Variants in CALN1 observed in about 807,000 individuals in gnomAD.
The protein encoded by CALN1 is calneuron 1.
A neutral mutation model predicts 30.6 loss-of-function variants in CALN1; 17 were observed. The observed-to-expected ratio is 0.56, with a 90% CI of 0.38 to 0.83. CALN1 has a LOEUF of 0.83. Ranked by LOEUF, CALN1 falls within the 40% of genes least tolerant of loss-of-function variation. CALN1 has a pLI of 0.00. For synonymous variants in CALN1, 156 were observed against 131.4 expected (o/e 1.19, Z -1.28); for missense variants, 291 against 354.9 (o/e 0.82, Z 1.45).
chr7:71,939,165 G>T (rs1795993784), intron 5 of CALN1, among the ~76,000 whole-genome samples: 1 of 152,112 alleles, frequency 6.6e-6, no homozygotes, highest in South Asian at 2.1e-4. Context: ...TCAGGAATTA[G>T]GAATACTAGG....
intron 5 of CALN1, among the ~76,000 whole-genome samples, chr7:71,889,860 G>A (rs533464165): frequency 3.3e-5 from 5 of 152,120 alleles, no homozygotes; most frequent in Admixed American, 6.5e-5. Context: ...TCCTACTCTG[G>A]AGGCTGAGGC....
intron 3 of CALN1, among the ~76,000 whole-genome samples, chr7:72,138,795 C>T (rs887923733): frequency 6.6e-6 from 1 of 152,174 alleles, no homozygotes; most frequent in African/African-American, 2.4e-5. Flanking sequence ...CAATCCCCGC[C>T]CTTACCCTTT....
chr7:72,336,830 C>T (rs889858769), intron 2 of CALN1: 3 of 985,012 alleles, frequency 3.0e-6, no homozygotes, highest in Admixed American at 6.2e-5. Context: ...AGCGCTCAGC[C>T]TCTCGCTCAC....
intron 4 of CALN1, among the ~76,000 whole-genome samples, chr7:72,094,379 C>T (rs1021964226): frequency 6.6e-6 from 1 of 152,212 alleles, no homozygotes; most frequent in South Asian, 2.1e-4. Context: ...CGCCACCTCC[C>T]GAGTAGCTGG....
At chr7:72,349,068 A>C (rs1435497809) in intron 2 of CALN1, among the ~76,000 whole-genome samples, 1 of 152,214 alleles carries the variant, frequency 6.6e-6, no homozygotes, top group African/African-American at 2.4e-5. Flanking sequence ...TGTATACTTA[A>C]TGTGAAAAAG....
chr7:72,474,105 T>C, the CALN1 span, among the ~76,000 whole-genome samples: 15 of 152,146 alleles, frequency 9.9e-5, no homozygotes, highest in Admixed American at 9.8e-4. Context: ...AAATATCACT[T>C]CTACCAGCAG....
At chr7:72,347,901 G>A (rs139148083) in intron 2 of CALN1, among the ~76,000 whole-genome samples, 1 of 152,058 alleles carries the variant, frequency 6.6e-6, no homozygotes, top group African/African-American at 2.4e-5. Context: ...GGCTGAGGAG[G>A]GTGGATCACT....
In CALN1 at chr7:72,095,134, T is replaced by C. The variant is rs529939789; in HGVS notation, c.388+11017A>G. On this transcript the variant is annotated intron_variant, in intron 4 of 6. Transcript: ENST00000395275. ...CTTAGAGTCATATGGCTCTTACTAG[T>C]GGCATGACCTGTGCAAGTTTCTAGA... Among the ~76,000 whole-genome samples the C allele has an allele frequency of 6.6e-5, 10 of 152,296 alleles. No individual in the cohort carries two copies. In the East Asian group the frequency reaches 1.9e-3, roughly 29 times the overall value.
intron 5 of CALN1, among the ~76,000 whole-genome samples, chr7:71,979,283 T>G (rs1280278048): frequency 1.3e-5 from 2 of 152,194 alleles, no homozygotes; most frequent in African/African-American, 4.8e-5. Context: ...ACTTTACTTC[T>G]ATTATTATTA....
At chr7:72,460,580 C>T in the CALN1 span, among the ~76,000 whole-genome samples, 1 of 151,914 alleles carries the variant, frequency 6.6e-6, no homozygotes, top group Non-Finnish European at 1.5e-5. Context: ...TGCAGTGAGC[C>T]AAGATCACAT....
At chr7:71,839,953 C>T (rs375656062) in intron 5 of CALN1, among the ~76,000 whole-genome samples, 7 of 152,146 alleles carry the variant, frequency 4.6e-5, no homozygotes, top group Admixed American at 1.3e-4. Context: ...TGCAGTGCCA[C>T]GGCTGTCTTT....
intron 2 of CALN1, among the ~76,000 whole-genome samples, chr7:72,383,717 T>C (rs572011494): frequency 2.0e-5 from 3 of 152,326 alleles, no homozygotes; most frequent in East Asian, 3.9e-4. Context: ...AGAAACGTCC[T>C]GTCTGAAAAT....
intron 1 of CALN1, among the ~76,000 whole-genome samples, chr7:72,420,647 G>A (rs1285604483): frequency 4.3e-5 from 6 of 141,096 alleles, no homozygotes; most frequent in East Asian, 2.1e-4. Context: ...TTTTTGAGAC[G>A]GAGCCTCGCT....
chr7:72,210,896 T>TA (rs372031170), intron 3 of CALN1, among the ~76,000 whole-genome samples: 18 of 148,416 alleles, frequency 1.2e-4, no homozygotes, highest in East Asian at 8.0e-4. Context: ...AGAAAAAAAT[T>TA]AAAAAAAAAA....
intron 3 of CALN1, among the ~76,000 whole-genome samples, chr7:72,224,264 G>C (rs896300919): frequency 1.3e-5 from 2 of 152,084 alleles, no homozygotes; most frequent in Non-Finnish European, 2.9e-5. Context: ...TCATTCACTA[G>C]AGGAGGTAAA....
intron 5 of CALN1, among the ~76,000 whole-genome samples, chr7:71,977,251 C>T (rs1370835823): frequency 6.6e-6 from 1 of 151,990 alleles, no homozygotes; most frequent in Non-Finnish European, 1.5e-5. Flanking sequence ...GGCAACATAG[C>T]GAGACCCTAT....
intron 5 of CALN1, among the ~76,000 whole-genome samples, chr7:71,919,961 G>A (rs1187649471): frequency 6.6e-6 from 1 of 152,088 alleles, no homozygotes; most frequent in Non-Finnish European, 1.5e-5. Context: ...TCACCATGAC[G>A]GAAAGAAAAA....
At chr7:72,292,938 G>A (rs908503924) in intron 2 of CALN1, among the ~76,000 whole-genome samples, 6 of 151,752 alleles carry the variant, frequency 4.0e-5, no homozygotes, top group Non-Finnish European at 8.8e-5. Context: ...GCCAGTCCAA[G>A]ACCACATCTT....
the CALN1 span, among the ~76,000 whole-genome samples, chr7:72,501,978 C>T: frequency 9.4e-3 from 1,022 of 109,268 alleles, 70 homozygotes; most frequent in African/African-American, 0.038. Context: ...AATATATATA[C>T]ACACATATAT....
Sources: allele counts gnomAD v4.1 joint callset (sites outside exome capture counted in the v4.1 genomes callset), GRCh38; gene constraint gnomAD v4.1.1; transcripts MANE v1.5; gene names NCBI Gene and HGNC (gene_info 2026-07-23, HGNC 2026-07-21).